PTPRG: variants seen among roughly 807,000 people sequenced by gnomAD.
PTPRG encodes the protein receptor-type tyrosine-protein phosphatase gamma.
PTPRG carries 102 observed loss-of-function variants against 165.3 expected under a neutral mutation model. The observed-to-expected ratio is 0.62, with a 90% CI of 0.53 to 0.73. PTPRG has a LOEUF of 0.73. Ranked by LOEUF, PTPRG falls within the 30% of genes least tolerant of loss-of-function variation. PTPRG has a pLI of 0.00. For missense variants in PTPRG, 1,866 were observed against 1,861.4 expected (o/e 1.00, Z -0.05); for synonymous variants, 675 against 669.5 (o/e 1.01, Z -0.13).
intron 26 of PTPRG, among the ~76,000 whole-genome samples, chr3:62,280,996 C>T (rs1193313153): frequency 6.6e-6 from 1 of 151,988 alleles, no homozygotes; most frequent in African/African-American, 2.4e-5. Context: ...ATATTGAGTA[C>T]ATTTTAGCTG....
intron 1 of PTPRG, among the ~76,000 whole-genome samples, chr3:61,652,788 A>C (rs985298587): frequency 3.9e-5 from 6 of 152,170 alleles, no homozygotes; most frequent in Non-Finnish European, 1.5e-5. Context: ...GGATGCCACT[A>C]GCATCCTCCT....
intron 1 of PTPRG, among the ~76,000 whole-genome samples, chr3:61,735,888 C>G (rs1463231033): frequency 3.3e-5 from 5 of 149,980 alleles, no homozygotes; most frequent in Non-Finnish European, 7.4e-5. Context: ...AGGCCATGCT[C>G]ACATCCATGT....
At chr3:61,765,121 G>A (rs574505350) in intron 2 of PTPRG, among the ~76,000 whole-genome samples, 23 of 152,328 alleles carry the variant, frequency 1.5e-4, no homozygotes, top group Non-Finnish European at 2.5e-4. Context: ...GAATGAGTAC[G>A]TGGCACAAAC....
rs769596166 is a variant in PTPRG at position 61,850,677 on chromosome 3, G to A, written c.190+101695G>A. On this transcript the variant is annotated intron_variant, in intron 2 of 29. Coordinates refer to ENST00000474889, the MANE Select transcript of PTPRG (RefSeq NM_002841.4). The stretch of plus-strand genomic sequence containing the variant: ...TTTATTTGCTTCTCCTTTACTAGAT[G>A]TTTATATTGTTTATATTTTTATTGA... Among the ~76,000 whole-genome samples, 26 of 152,166 alleles carry A rather than the reference G, an allele frequency of 1.7e-4. No individual in the cohort carries two copies. The East Asian group carries it at 2.9e-3, about 17-fold the overall frequency.
At chr3:61,860,146 A>G (rs943201205) in intron 2 of PTPRG, among the ~76,000 whole-genome samples, 8 of 152,220 alleles carry the variant, frequency 5.3e-5, no homozygotes, top group Non-Finnish European at 7.3e-5. Context: ...GAAATATTGT[A>G]TGTACATTTC....
chr3:62,044,341 C>G (rs1416819444), intron 4 of PTPRG, among the ~76,000 whole-genome samples: 1 of 152,142 alleles, frequency 6.6e-6, no homozygotes, highest in African/African-American at 2.4e-5. Flanking sequence ...AAGTTCAAGA[C>G]AAGCCTGACC....
chr3:62,120,929 G>T (rs1703043634), intron 5 of PTPRG, among the ~76,000 whole-genome samples: 1 of 151,766 alleles, frequency 6.6e-6, no homozygotes, highest in Admixed American at 6.6e-5. Context: ...GCTTATTTGG[G>T]AGAAAGAATG....
chr3:61,891,547 G>A (rs1439059013), intron 2 of PTPRG, among the ~76,000 whole-genome samples: 4 of 152,194 alleles, frequency 2.6e-5, no homozygotes, highest in African/African-American at 7.2e-5. Flanking sequence ...ATCAACCTGA[G>A]AATCACCTAA....
chr3:61,985,932 A>G (rs765415375), intron 2 of PTPRG, among the ~76,000 whole-genome samples: 5 of 152,172 alleles, frequency 3.3e-5, no homozygotes, highest in Admixed American at 1.3e-4. Context: ...ACCTTGTCAC[A>G]GTTGAAACGA....
chr3:61,674,183 TAAA>T (rs11335275), intron 1 of PTPRG, among the ~76,000 whole-genome samples: 1 of 144,092 alleles, frequency 6.9e-6, no homozygotes, highest in African/African-American at 2.5e-5. Flanking sequence ...ATAATAATAA[TAAA>T]AAAAAAAAAG....
chr3:62,132,073 G>T (rs115408556), intron 5 of PTPRG, among the ~76,000 whole-genome samples: 3,049 of 152,256 alleles, frequency 0.02, 58 homozygotes, highest in South Asian at 0.047. Flanking sequence ...GGGAGACACT[G>T]TCTCTTCAAG....
At chr3:61,779,618 AT>A (rs1479758361) in intron 2 of PTPRG, among the ~76,000 whole-genome samples, 1 of 152,190 alleles carries the variant, frequency 6.6e-6, no homozygotes, top group Non-Finnish European at 1.5e-5. Flanking sequence ...GAGGGTAGAT[AT>A]CCTACCAAAC....
chr3:61,809,211 C>G (rs762671431), intron 2 of PTPRG, among the ~76,000 whole-genome samples: 70 of 151,146 alleles, frequency 4.6e-4, no homozygotes, highest in Non-Finnish European at 6.6e-4. Context: ...AAGCAGCAGA[C>G]TTTGCCTTAG....
At chr3:61,676,993 TC>T (rs1703256056) in intron 1 of PTPRG, among the ~76,000 whole-genome samples, 1 of 152,140 alleles carries the variant, frequency 6.6e-6, no homozygotes, top group Admixed American at 6.5e-5. Context: ...AGGCCTGTAA[TC>T]CCAGCACTTT....
chr3:61,640,726 T>C (rs893507904), intron 1 of PTPRG, among the ~76,000 whole-genome samples: 1 of 152,216 alleles, frequency 6.6e-6, no homozygotes, highest in African/African-American at 2.4e-5. Flanking sequence ...TAACACAAAC[T>C]GCAGTTATTT....
At chr3:62,032,893 A>G (rs1370059317) in intron 4 of PTPRG, among the ~76,000 whole-genome samples, 1 of 152,146 alleles carries the variant, frequency 6.6e-6, no homozygotes, top group Non-Finnish European at 1.5e-5. Context: ...TGCTAAGGGG[A>G]ATCAGATGGC....
chr3:62,231,598 G>T (rs1477009831), intron 14 of PTPRG, among the ~76,000 whole-genome samples: 1 of 152,094 alleles, frequency 6.6e-6, no homozygotes, highest in Non-Finnish European at 1.5e-5. Flanking sequence ...CTCTATGTTT[G>T]TGTGTCTGTA....
chr3:61,669,615 T>C (rs1024329138), intron 1 of PTPRG, among the ~76,000 whole-genome samples: 5 of 152,186 alleles, frequency 3.3e-5, no homozygotes, highest in Admixed American at 2.0e-4. Context: ...AATGAATGGA[T>C]GTTTTGATTT....
intron 2 of PTPRG, among the ~76,000 whole-genome samples, chr3:61,858,982 T>C (rs1014806867): frequency 1.3e-5 from 2 of 152,212 alleles, no homozygotes; most frequent in Admixed American, 1.3e-4. Flanking sequence ...ATGCAGAGCA[T>C]GATCAAAGAA....
Sources: gnomAD v4.1 joint callset for allele counts (sites outside exome capture counted in the v4.1 genomes callset) on GRCh38, gnomAD v4.1.1 for gene constraint, MANE v1.5 for transcripts, NCBI Gene and HGNC (gene_info 2026-07-23, HGNC 2026-07-21) for gene names.